CDH7: variants seen among roughly 807,000 people sequenced by gnomAD.
The protein encoded by CDH7 is cadherin 7, also known as cadherin-7.
CDH7 carries 25 observed loss-of-function variants against 71.8 expected under a neutral mutation model. The ratio of observed to expected loss-of-function variants is 0.35; its 90% CI spans 0.25 to 0.49. The LOEUF is 0.49. Among genes scored for constraint, CDH7 ranks in the 20% least tolerant of loss-of-function variants. The pLI, the probability that CDH7 is intolerant of heterozygous loss-of-function variation, is 0.99. For missense variants in CDH7, 862 were observed against 974.6 expected, an observed-to-expected ratio of 0.88 and a Z score of 1.54; for synonymous variants, 381 against 363.8, an observed-to-expected ratio of 1.05 and a Z score of -0.54.
intron 2 of CDH7, among the ~76,000 whole-genome samples, chr18:65,779,315 T>TA (rs1910092449): frequency 7.0e-6 from 1 of 143,158 alleles, no homozygotes; most frequent in African/African-American, 2.7e-5. Context: ...TTTTTTTTTT[T>TA]ATTATACTCT....
intron 4 of CDH7, 63 bp from the exon 5 acceptor site, chr18:65,822,018 A>G: frequency 7.9e-7 from 1 of 1,267,280 alleles, no homozygotes; most frequent in Non-Finnish European, 1.2e-6. Flanking sequence ...TTGTATCAGT[A>G]TTCTTTGTTA....
chr18:65,803,707 A>G (rs1416411116), intron 2 of CDH7: 3 of 152,094 alleles, frequency 2.0e-5, no homozygotes, highest in Non-Finnish European at 2.9e-5. Flanking sequence ...AGGCATTTTT[A>G]CTTCTGCCAA....
chr18:65,867,035 A>ATT lies in CDH7; in HGVS notation c.1864+4136_1864+4137dup, dbSNP rs11381508. ...ATGGCAAGATACTCTGGTATTCTAA[A>ATT]TTTTTTTTTTTTTTTTTTTAGACAG... On this transcript the variant is annotated intron_variant, in intron 11 of 11. Transcript: ENST00000397968. Among the ~76,000 whole-genome samples the ATT allele has an allele frequency of 7.5e-3, 1,002 of 134,168 alleles. 3 individuals carry two copies. The highest frequency in any genetic ancestry group is 7.8e-3 in the Admixed American group (99 of 12,712). The allele number at this position is 134,168 out of a possible 152,430, so 88.0% of individuals were successfully genotyped here. A position where few individuals can be genotyped will look rare whatever the true frequency, so the allele number is the denominator to read the frequency against.
chr18:65,885,462 C>A lies in CDH7; in HGVS notation c.*4568C>A, dbSNP rs1217775795. On this transcript the variant is annotated 3_prime_UTR_variant, in exon 12 of 12. Coordinates refer to ENST00000397968, the MANE Select transcript of CDH7 (RefSeq NM_004361.5). ...GTGCGATCTCGGCTCACTGCAAGCT[C>A]CGCCTCCAGGGTTCACACCGTTCTC... is the stretch of plus-strand genomic sequence containing the variant. 6.9e-6 allele frequency: 1 copy of A among 144,068 alleles called. No homozygotes were observed. Among genetic ancestry groups the A allele is most frequent in the African/African-American group, 2.5e-5 (1 of 39,396 alleles). The allele number at this position is 144,068 out of a possible 1,614,324, so 8.9% of individuals were successfully genotyped here.
chr18:65,819,850 G>A (rs115533732), intron 4 of CDH7, among the ~76,000 whole-genome samples: 59 of 151,182 alleles, frequency 3.9e-4, no homozygotes, highest in Non-Finnish European at 2.8e-4. Context: ...CCAGCCCCTG[G>A]TTATTAATCC....
rs75627004 is a variant in CDH7, at chr18:65,858,848, A to T, written c.1373-77A>T. On this transcript the variant is annotated intron_variant, in intron 8 of 11. Transcript: ENST00000397968. The stretch of plus-strand genomic sequence containing the variant: ...CATTATGATTCTAGATTTCATTCTC[A>T]GCTTCGTCATTTTATTATTAGAATT... 155 of 1,415,468 alleles carry T rather than the reference A, an allele frequency of 1.1e-4. No individual in the cohort carries two copies. The African/African-American group carries it at 1.9e-3, about 18-fold the overall frequency. The allele number at this position is 1,415,468 out of a possible 1,614,324, so 87.7% of individuals were successfully genotyped here.
chr18:65,793,239 A>G (rs1910777982), intron 2 of CDH7, among the ~76,000 whole-genome samples: 1 of 152,056 alleles, frequency 6.6e-6, no homozygotes, highest in Non-Finnish European at 1.5e-5. Context: ...CAAACGTTTG[A>G]GACCAGCCTG....
In CDH7 at chr18:65,883,907, G is replaced by A. The variant is rs980858236; in HGVS notation, c.*3013G>A. On this transcript the variant is annotated 3_prime_UTR_variant, in exon 12 of 12. Transcript: ENST00000397968. ...TGGAGCTACTTGTAGACAGGGAGAG[G>A]AGTCACTTCTTTATGGAAAACAATG... 6.6e-6 allele frequency: 1 copy of A among 152,174 alleles called. No individual in the cohort carries two copies. The highest frequency in any genetic ancestry group is 1.9e-4 in the East Asian group (1 of 5,180). 9.4% of individuals were successfully genotyped at this position (152,174 alleles called of 1,614,324 possible).
rs1382196680 is a variant in CDH7 at position 65,885,723 on chromosome 18, TG to T, written c.*4830del. On this transcript the variant is annotated 3_prime_UTR_variant, in exon 12 of 12. Transcript: ENST00000397968. Reference sequence around the variant, plus strand: ...ACCTTGAGAGATGTATCTGAAGTAATGTAAAAATAAGAGTCTCATAATTCCT... The same window carrying T: ...ACCTTGAGAGATGTATCTGAAGTAATTAAAAATAAGAGTCTCATAATTCCT... 1 of 152,112 alleles carries T rather than the reference TG, an allele frequency of 6.6e-6. No homozygotes were observed. The highest frequency in any genetic ancestry group is 2.4e-5 in the African/African-American group (1 of 41,438). 9.4% of individuals were successfully genotyped at this position (152,112 alleles called of 1,614,324 possible). A position where few individuals can be genotyped will look rare whatever the true frequency, so the allele number is the denominator to read the frequency against.
intron 11 of CDH7, among the ~76,000 whole-genome samples, chr18:65,871,200 A>G (rs1463295839): frequency 2.0e-5 from 3 of 152,188 alleles, no homozygotes; most frequent in Non-Finnish European, 2.9e-5. Context: ...AATCATATGA[A>G]TTTATTGTAG....
chr18:65,884,839 T>A lies in CDH7; in HGVS notation c.*3945T>A, dbSNP rs1405531611. 1 of 152,228 alleles carries A rather than the reference T, an allele frequency of 6.6e-6. No individual in the cohort carries two copies. Among genetic ancestry groups the A allele is most frequent in the Non-Finnish European group, 1.5e-5 (1 of 68,042 alleles). The allele number at this position is 152,228 out of a possible 1,614,324, so 9.4% of individuals were successfully genotyped here. A position where few individuals can be genotyped will look rare whatever the true frequency, so the allele number is the denominator to read the frequency against. ...ATTCACTTACAAACTGTTCTAATAA[T>A]AACACTAATTATTTTCCAAGTCACC... On this transcript the variant is annotated 3_prime_UTR_variant, in exon 12 of 12. Coordinates refer to ENST00000397968, the MANE Select transcript of CDH7 (RefSeq NM_004361.5).
chr18:65,784,196 C>G (rs1910426251), intron 2 of CDH7, among the ~76,000 whole-genome samples: 1 of 148,972 alleles, frequency 6.7e-6, no homozygotes, highest in Non-Finnish European at 1.5e-5. Context: ...AATCACCCAT[C>G]TCAGCTTCCC....
At chr18:65,861,274 G>C (rs1913554041) in intron 10 of CDH7, among the ~76,000 whole-genome samples, 1 of 151,858 alleles carries the variant, frequency 6.6e-6, no homozygotes, top group African/African-American at 2.4e-5. Context: ...TCTGAATATA[G>C]AGTCATATTC....
At chr18:65,759,048 A>T (rs1373723092) in intron 1 of CDH7, among the ~76,000 whole-genome samples, 1 of 152,168 alleles carries the variant, frequency 6.6e-6, no homozygotes, top group African/African-American at 2.4e-5. Flanking sequence ...CATGTTCTGT[A>T]ACTCCCTTCT....
chr18:65,783,325 A>T (rs111783430), intron 2 of CDH7, among the ~76,000 whole-genome samples: 3 of 152,234 alleles, frequency 2.0e-5, no homozygotes, highest in African/African-American at 4.8e-5. Context: ...AATTATAAGC[A>T]AGAATAGTAA....
At chr18:65,758,370 T>C (rs986682296) in intron 1 of CDH7, among the ~76,000 whole-genome samples, 16 of 152,180 alleles carry the variant, frequency 1.1e-4, no homozygotes, top group African/African-American at 3.9e-4. Flanking sequence ...GAAAGACTGA[T>C]AAGGAAAGGT....
At chr18:65,823,757 G>C (rs1912023211) in intron 5 of CDH7, among the ~76,000 whole-genome samples, 1 of 151,816 alleles carries the variant, frequency 6.6e-6, no homozygotes, top group Non-Finnish European at 1.5e-5. Flanking sequence ...TCTTCTCAGA[G>C]AGAATCCTTT....
chr18:65,765,187 A>G (rs2143793786), intron 2 of CDH7, among the ~76,000 whole-genome samples: 2 of 152,140 alleles, frequency 1.3e-5, no homozygotes, highest in Non-Finnish European at 2.9e-5. Context: ...TAAAAAATTG[A>G]CTAAAATACA....
At chr18:65,806,300 A>AG (rs1406141345) in intron 2 of CDH7, among the ~76,000 whole-genome samples, 13 of 152,100 alleles carry the variant, frequency 8.5e-5, no homozygotes, top group Admixed American at 2.0e-4. Context: ...GAAAAAAAAA[A>AG]AATCTTTAAA....
Sources: allele counts gnomAD v4.1 joint callset (sites outside exome capture counted in the v4.1 genomes callset), GRCh38; gene constraint gnomAD v4.1.1; transcripts MANE v1.5; gene names NCBI Gene and HGNC (gene_info 2026-07-23, HGNC 2026-07-21).